The following CORO2B variants were observed in gnomAD, a reference collection of about 807,000 sequenced individuals.
CORO2B encodes the protein coronin 2B, also known as coronin-2B.
Under a neutral mutation model 58.8 loss-of-function variants are expected in CORO2B, and 26 were observed. That is an observed-to-expected ratio of 0.44 (90% CI 0.32 to 0.61). The LOEUF is 0.61. Among genes scored for constraint, CORO2B ranks in the 20% least tolerant of loss-of-function variants. The pLI, the probability that CORO2B is intolerant of heterozygous loss-of-function variation, is 0.04. For missense variants in CORO2B, 460 were observed against 645.1 expected (o/e 0.71, Z 3.11); for synonymous variants, 242 against 253.8 (o/e 0.95, Z 0.44).
In CORO2B at chr15:68,603,681, TC is replaced by T. The variant is rs150473431; in HGVS notation, c.15+24406del. 6.7e-3 allele frequency among the ~76,000 whole-genome samples: 1,014 copies of T among 152,190 alleles called. 48 individuals are homozygous for T. In the East Asian group the frequency reaches 0.11, roughly 17 times the overall value. On this transcript the variant is annotated intron_variant, in intron 1 of 11. Transcript: ENST00000261861. ...AATAGACACCAGAGAGCTCACTCTCTCCGCATCTGCACAGAGGACACAGCAA... is the reference window on the plus strand; with the variant it reads ...AATAGACACCAGAGAGCTCACTCTCTCGCATCTGCACAGAGGACACAGCAA...
chr15:68,687,783 G>A (rs554843994), intron 2 of CORO2B, among the ~76,000 whole-genome samples: 7 of 152,334 alleles, frequency 4.6e-5, no homozygotes, highest in African/African-American at 1.7e-4. Context: ...CATGGCAGAA[G>A]GTGGAGGGCA....
chr15:68,689,045 C>T (rs928516225), intron 2 of CORO2B, among the ~76,000 whole-genome samples: 2 of 152,074 alleles, frequency 1.3e-5, no homozygotes, highest in Admixed American at 6.5e-5. Context: ...TCCCCAGCCC[C>T]GAGCTCTTCC....
chr15:68,582,153 C>T (rs1475012830), intron 1 of CORO2B, among the ~76,000 whole-genome samples: 1 of 152,214 alleles, frequency 6.6e-6, no homozygotes, highest in African/African-American at 2.4e-5. Flanking sequence ...CTAAAGCTGC[C>T]GGCAAACCCT....
the CORO2B span, among the ~76,000 whole-genome samples, chr15:68,572,227 A>G: frequency 1.3e-5 from 2 of 152,332 alleles, no homozygotes; most frequent in East Asian, 3.9e-4. Flanking sequence ...TCAGACTTAG[A>G]GGGAAGAGTG....
chr15:68,612,009 C>T (rs553309874), intron 1 of CORO2B, among the ~76,000 whole-genome samples: 3 of 152,088 alleles, frequency 2.0e-5, no homozygotes, highest in Non-Finnish European at 1.5e-5. Context: ...GGGCTCAAGC[C>T]ATCCACCCAC....
chr15:68,707,687 A>G (rs1331466817), intron 3 of CORO2B, among the ~76,000 whole-genome samples: 1 of 152,214 alleles, frequency 6.6e-6, no homozygotes, highest in Non-Finnish European at 1.5e-5. Flanking sequence ...GTGTGTGTCT[A>G]TATGTCTGTG....
At chr15:68,716,136 C>T (rs1226784262) in intron 8 of CORO2B, among the ~76,000 whole-genome samples, 1 of 152,162 alleles carries the variant, frequency 6.6e-6, no homozygotes, top group Admixed American at 6.5e-5. Context: ...AAAAGATGTC[C>T]GAAGTCCTAA....
upstream of CORO2B, among the ~76,000 whole-genome samples, chr15:68,577,856 C>A (rs1407627929): frequency 6.6e-6 from 1 of 152,158 alleles, no homozygotes; most frequent in Non-Finnish European, 1.5e-5. Context: ...CTCTCTGTTC[C>A]CCCAGCACTT....
chr15:68,581,405 C>G lies in CORO2B; in HGVS notation c.15+2128C>G, dbSNP rs577190588. 7.2e-5 allele frequency among the ~76,000 whole-genome samples: 11 copies of G among 152,352 alleles called. No homozygotes were observed. The South Asian group carries it at 2.1e-3, about 29-fold the overall frequency. ...GAGCAAGAGGGATGCAGGAAAGGCACTGGGGACTGCTTTGCTGTCTACAAG... is the reference window on the plus strand; with the variant it reads ...GAGCAAGAGGGATGCAGGAAAGGCAGTGGGGACTGCTTTGCTGTCTACAAG... On this transcript the variant is annotated intron_variant, in intron 1 of 11. Coordinates refer to ENST00000261861, the MANE Select transcript of CORO2B (RefSeq NM_006091.5).
intron 2 of CORO2B, among the ~76,000 whole-genome samples, chr15:68,662,047 T>C (rs1369006598): frequency 3.3e-5 from 5 of 151,174 alleles, no homozygotes; most frequent in Admixed American, 2.0e-4. Context: ...TTAATAAAAA[T>C]CTGTTTAGGC....
intron 1 of CORO2B, chr15:68,616,652 A>G (rs1423944677): frequency 7.2e-6 from 7 of 976,524 alleles, no homozygotes; most frequent in Non-Finnish European, 8.5e-6. Context: ...CCCCAGCGCA[A>G]GCAGGCAATC....
chr15:68,720,149 A>T (rs1022950715), intron 11 of CORO2B, among the ~76,000 whole-genome samples: 2 of 152,190 alleles, frequency 1.3e-5, no homozygotes, highest in African/African-American at 4.8e-5. Context: ...GCCAGACATA[A>T]GGCCTGATAC....
the CORO2B span, among the ~76,000 whole-genome samples, chr15:68,543,660 G>C: frequency 6.6e-6 from 1 of 152,078 alleles, no homozygotes; most frequent in African/African-American, 2.4e-5. Flanking sequence ...TCCAAAGAAG[G>C]CTTCCTTTGT....
At chr15:68,574,506 C>G (rs1253073025), upstream of CORO2B, among the ~76,000 whole-genome samples, 1 of 152,132 alleles carries the variant, frequency 6.6e-6, no homozygotes, top group Non-Finnish European at 1.5e-5. Context: ...GGTACAGGGC[C>G]TGGGCAGATG....
At chr15:68,712,796 G>T (rs944701428) in intron 5 of CORO2B, among the ~76,000 whole-genome samples, 2 of 152,020 alleles carry the variant, frequency 1.3e-5, no homozygotes, top group African/African-American at 4.8e-5. Flanking sequence ...CTTAACCTTA[G>T]CGAAGTTGGG....
Position 68,611,550 on chromosome 15 carries a change from A to G in CORO2B, c.15+32273A>G, listed in dbSNP as rs1491632. On this transcript the variant is annotated intron_variant, in intron 1 of 11. Transcript: ENST00000261861. ...ATTTTTTTTATCTCTGTTTGGATATATCTTCAACTGAAAGCATGTCATAGT... is the reference window on the plus strand; with the variant it reads ...ATTTTTTTTATCTCTGTTTGGATATGTCTTCAACTGAAAGCATGTCATAGT... Among the ~76,000 whole-genome samples, 440 of 152,252 alleles carry G rather than the reference A, an allele frequency of 2.9e-3. 4 individuals are homozygous for G. The highest frequency in any genetic ancestry group is 0.01 in the African/African-American group (421 of 41,542).
rs139717794 is a variant in CORO2B at position 68,580,766 on chromosome 15, G to A, written c.15+1489G>A. On this transcript the variant is annotated intron_variant, in intron 1 of 11. Coordinates refer to ENST00000261861, the MANE Select transcript of CORO2B (RefSeq NM_006091.5). ...GACAGAGGAGTAATGGATGGGCCCGGCTAGAGAGAGAAAGGGTGTGAGGTT... is the reference window on the plus strand; with the variant it reads ...GACAGAGGAGTAATGGATGGGCCCGACTAGAGAGAGAAAGGGTGTGAGGTT... Among the ~76,000 whole-genome samples the A allele has an allele frequency of 4.4e-3, 673 of 152,234 alleles. 8 individuals carry two copies. The highest frequency in any genetic ancestry group is 0.027 in the Middle Eastern group (8 of 294).
intron 3 of CORO2B, among the ~76,000 whole-genome samples, chr15:68,708,297 C>T (rs535254679): frequency 6.6e-6 from 1 of 152,088 alleles, no homozygotes; most frequent in Admixed American, 6.5e-5. Context: ...CTGAGGGGCA[C>T]CCCAGTTCCT....
intron 11 of CORO2B, among the ~76,000 whole-genome samples, chr15:68,721,041 C>G (rs1287887443): frequency 1.3e-5 from 2 of 152,012 alleles, no homozygotes; most frequent in Non-Finnish European, 2.9e-5. Context: ...ACCACCACAC[C>G]CAGCTAATTT....
Sources: allele counts gnomAD v4.1 joint callset (sites outside exome capture counted in the v4.1 genomes callset), GRCh38; gene constraint gnomAD v4.1.1; transcripts MANE v1.5; gene names NCBI Gene and HGNC (gene_info 2026-07-23, HGNC 2026-07-21).